The following CNTLN variants were observed in gnomAD, a reference collection of about 807,000 sequenced individuals.
The protein encoded by CNTLN is centlein, centrosomal protein.
In CNTLN, 212 loss-of-function variants were observed where a neutral mutation model predicts 180.0. The ratio of observed to expected loss-of-function variants is 1.18; its 90% confidence interval spans 1.05 to 1.32. CNTLN has a LOEUF of 1.32. Among genes scored for constraint, CNTLN ranks in the 40% most tolerant of loss-of-function variants. The pLI, the probability that CNTLN is intolerant of heterozygous loss-of-function variation, is 0.00. For missense variants in CNTLN, 2,095 were observed against 1,610.9 expected (o/e 1.30, Z -5.14); for synonymous variants, 722 against 563.1 (o/e 1.28, Z -3.99).
chr9:17,170,992 AG>A (rs1333856829), intron 2 of CNTLN, among the ~76,000 whole-genome samples: 1 of 152,244 alleles, frequency 6.6e-6, no homozygotes, highest in African/African-American at 2.4e-5. Context: ...CATATAGCCT[AG>A]GTGTGTAGTA....
intron 18 of CNTLN, among the ~76,000 whole-genome samples, chr9:17,437,989 G>C (rs1000955738): frequency 3.3e-5 from 5 of 152,148 alleles, no homozygotes; most frequent in Non-Finnish European, 7.3e-5. Context: ...TAGAAGAAAG[G>C]ATAGCTTGAA....
intron 13 of CNTLN, among the ~76,000 whole-genome samples, chr9:17,376,241 A>G (rs907414691): frequency 6.6e-6 from 1 of 152,154 alleles, no homozygotes; most frequent in Admixed American, 6.5e-5. Context: ...ACTTCTTAAT[A>G]ACTAGGGTTT....
At chr9:17,146,877 G>T (rs749293266) in intron 2 of CNTLN, among the ~76,000 whole-genome samples, 9 of 150,660 alleles carry the variant, frequency 6.0e-5, no homozygotes, top group Non-Finnish European at 1.2e-4. Flanking sequence ...TATAATTTTT[G>T]AATTCTTTTC....
intron 8 of CNTLN, among the ~76,000 whole-genome samples, chr9:17,328,408 G>A (rs1054845775): frequency 6.6e-6 from 1 of 152,146 alleles, no homozygotes; most frequent in Non-Finnish European, 1.5e-5. Context: ...AGTAAATCTA[G>A]CAACAGTGGG....
At chr9:17,410,356 T>A (rs1827748473) in intron 16 of CNTLN, among the ~76,000 whole-genome samples, 1 of 152,200 alleles carries the variant, frequency 6.6e-6, no homozygotes, top group African/African-American at 2.4e-5. Flanking sequence ...GTAAATTGCC[T>A]CTTCAAGTCT....
chr9:17,266,238 T>C (rs141806418), intron 5 of CNTLN, among the ~76,000 whole-genome samples: 264 of 152,316 alleles, frequency 1.7e-3, no homozygotes, highest in Non-Finnish European at 2.9e-3. Flanking sequence ...GTATGCTGTG[T>C]CTTTGTTATC....
chr9:17,235,800 G>T lies in CNTLN; in HGVS notation c.669+8G>T. 1.3e-6 allele frequency: 2 copies of T among 1,599,026 alleles called. No homozygotes were observed. Among genetic ancestry groups the T allele is most frequent in the South Asian group, 2.3e-5 (2 of 87,794 alleles). Reference sequence around the variant, plus strand: ...AAAAGTCAAGAAATTAAGGTGTGTTGACTTGTACATAGTTTTGTGGGACTG... The same window carrying T: ...AAAAGTCAAGAAATTAAGGTGTGTTTACTTGTACATAGTTTTGTGGGACTG... On this transcript the variant is annotated splice_region_variant and intron_variant, in intron 4 of 25. Transcript: ENST00000380647.
At chr9:17,441,587 T>G (rs1468959094) in intron 18 of CNTLN, among the ~76,000 whole-genome samples, 2 of 139,168 alleles carry the variant, frequency 1.4e-5, no homozygotes, top group East Asian at 4.2e-4. Flanking sequence ...TCAAAACGTG[T>G]CACTGCAAAA....
At chr9:17,175,426 T>C (rs1385648596) in intron 2 of CNTLN, among the ~76,000 whole-genome samples, 1 of 152,190 alleles carries the variant, frequency 6.6e-6, no homozygotes. Flanking sequence ...TGAACTATTT[T>C]GCATCTTTGT....
chr9:17,148,491 T>G (rs1193555598), intron 2 of CNTLN, among the ~76,000 whole-genome samples: 1 of 152,228 alleles, frequency 6.6e-6, no homozygotes, highest in Non-Finnish European at 1.5e-5. Flanking sequence ...CCAAAAGCAC[T>G]GTTAACTCAT....
chr9:17,248,061 C>T (rs533383717), intron 5 of CNTLN, among the ~76,000 whole-genome samples: 3 of 152,134 alleles, frequency 2.0e-5, no homozygotes, highest in Non-Finnish European at 2.9e-5. Flanking sequence ...TAGCTCAAAG[C>T]GATTCACCTA....
At chr9:17,516,729 G>A in the CNTLN span, among the ~76,000 whole-genome samples, 2 of 152,162 alleles carry the variant, frequency 1.3e-5, no homozygotes, top group Admixed American at 6.5e-5. Context: ...ACATAGACGG[G>A]TGGAAGGTCA....
intron 12 of CNTLN, among the ~76,000 whole-genome samples, chr9:17,356,296 C>T (rs1198052431): frequency 1.3e-5 from 2 of 152,102 alleles, no homozygotes; most frequent in African/African-American, 4.8e-5. Context: ...ACAAGAAACT[C>T]ATACACTAAG....
rs61229264 is a variant in CNTLN, at chr9:17,274,499, ATCTATGTATCTT to A, written c.983+639_983+650del. 1.5e-3 allele frequency among the ~76,000 whole-genome samples: 221 copies of A among 144,196 alleles called. 1 individual carries two copies. Among genetic ancestry groups the A allele is most frequent in the African/African-American group, 4.9e-3 (181 of 36,816 alleles). 94.6% of individuals were successfully genotyped at this position (144,196 alleles called of 152,430 possible). ...TATCTATCTATCTATCTATCTATCT[ATCTATGTATCTT>A]TCTATCTATCCATCCATCCACATGC... On this transcript the variant is annotated intron_variant, in intron 6 of 25. Coordinates refer to ENST00000380647, the MANE Select transcript of CNTLN (RefSeq NM_017738.4).
At chr9:17,485,534 A>G (rs533248386) in intron 24 of CNTLN, among the ~76,000 whole-genome samples, 2 of 152,136 alleles carry the variant, frequency 1.3e-5, no homozygotes, top group Admixed American at 6.6e-5. Flanking sequence ...TGTAAGACAC[A>G]TGGGAGTAAT....
intron 2 of CNTLN, among the ~76,000 whole-genome samples, chr9:17,162,758 G>A (rs532789433): frequency 3.3e-5 from 5 of 152,300 alleles, no homozygotes; most frequent in African/African-American, 7.2e-5. Flanking sequence ...ACTATGGGGC[G>A]TAGAACAGTT....
At chr9:17,467,368 G>A (rs2134217067) in intron 23 of CNTLN, among the ~76,000 whole-genome samples, 1 of 151,596 alleles carries the variant, frequency 6.6e-6, no homozygotes, top group Non-Finnish European at 1.5e-5. Context: ...CTGCAGAGGT[G>A]TACCATCTAG....
At chr9:17,447,508 T>C (rs1310861871) in intron 18 of CNTLN, 1 of 156,588 alleles carries the variant, frequency 6.4e-6, no homozygotes, top group African/African-American at 2.4e-5. Flanking sequence ...GCATGCTGAA[T>C]CCTTGGACAC....
At position 17,394,579 on chromosome 9, in the gene CNTLN, A is replaced by T. The variant is rs1346167545; in HGVS notation, c.2125A>T (p.Arg709Ter). 1.9e-6 allele frequency: 3 copies of T among 1,592,392 alleles called. No individual in the cohort carries two copies. Among genetic ancestry groups the T allele is most frequent in the Non-Finnish European group, 2.6e-6 (3 of 1,174,136 alleles). The change falls in exon 15 of 26, where the codon AGA (arginine) becomes TGA (stop). Residue 709 changes from arginine (R) to a stop codon, truncating the protein, a stop_gained. Coordinates refer to ENST00000380647, the MANE Select transcript of CNTLN (RefSeq NM_017738.4). LOFTEE classifies it high-confidence loss of function. ...NRLKSFEKRS[R>*]KLKEGNKKLM... is the part of the protein sequence containing the mutation. ...GCTGAAATCTTTTGAGAAAAGGTCG[A>T]GAAAATTAAAAGAAGGGAATAAAAA...
Sources: allele counts gnomAD v4.1 joint callset (sites outside exome capture counted in the v4.1 genomes callset), GRCh38; gene constraint gnomAD v4.1.1; transcripts MANE v1.5; gene names NCBI Gene and HGNC (gene_info 2026-07-23, HGNC 2026-07-21).